Variants in ZNF536 observed in about 807,000 individuals in gnomAD.
The protein encoded by ZNF536 is zinc finger protein 536.
In ZNF536, 13 loss-of-function variants were observed where a neutral mutation model predicts 84.5. The ratio of observed to expected loss-of-function variants is 0.15; its 90% confidence interval spans 0.10 to 0.24. The LOEUF is 0.24. Ranked by LOEUF, ZNF536 falls within the 10% of genes least tolerant of loss-of-function variation. ZNF536 has a pLI of 1.00. For synonymous variants in ZNF536, 811 were observed against 742.5 expected, an observed-to-expected ratio of 1.09 and a Z score of -1.50; for missense variants, 1,536 against 1,747.5, an observed-to-expected ratio of 0.88 and a Z score of 2.16.
At chr19:30,690,327 T>C (rs2051357409) in intron 1 of ZNF536, among the ~76,000 whole-genome samples, 1 of 152,118 alleles carries the variant, frequency 6.6e-6, no homozygotes, top group Admixed American at 6.5e-5. Context: ...AAATGGGGCC[T>C]TCTGAGGATG....
At chr19:30,484,685 CTT>C (rs869242666) in intron 2 of ZNF536, among the ~76,000 whole-genome samples, 11 of 120,138 alleles carry the variant, frequency 9.2e-5, no homozygotes, top group Non-Finnish European at 9.9e-5. Context: ...TCTTCTTCTT[CTT>C]TTTTTTTTTT....
chr19:30,707,891 T>C (rs1038378102), intron 1 of ZNF536, among the ~76,000 whole-genome samples: 1 of 151,762 alleles, frequency 6.6e-6, no homozygotes, highest in African/African-American at 2.4e-5. Flanking sequence ...ATGCCTGTAA[T>C]TCCAGCTACT....
At chr19:30,521,124 C>A (rs922642343) in intron 2 of ZNF536, among the ~76,000 whole-genome samples, 15 of 152,250 alleles carry the variant, frequency 9.9e-5, no homozygotes, top group Admixed American at 4.6e-4. Flanking sequence ...TTGCTCAGGA[C>A]CACAGAGCCA....
At chr19:30,382,448 T>A (rs992673218) in intron 1 of ZNF536, among the ~76,000 whole-genome samples, 2 of 152,202 alleles carry the variant, frequency 1.3e-5, no homozygotes, top group African/African-American at 2.4e-5. Context: ...AAAAATTCAA[T>A]AATGGTATTT....
chr19:30,555,320 A>G (rs1045807440), intron 4 of ZNF536: 4 of 152,224 alleles, frequency 2.6e-5, no homozygotes, highest in Non-Finnish European at 5.9e-5. Context: ...AACTGTTGCA[A>G]GGAAATGATG....
chr19:30,259,307 C>T (rs973173620), intron 1 of ZNF536, among the ~76,000 whole-genome samples: 3 of 152,170 alleles, frequency 2.0e-5, no homozygotes, highest in Admixed American at 6.5e-5. Context: ...TTTCACACTA[C>T]CAAAGGGATA....
intron 1 of ZNF536, among the ~76,000 whole-genome samples, chr19:30,419,804 C>G (rs1021229396): frequency 7.2e-5 from 11 of 152,188 alleles, no homozygotes; most frequent in African/African-American, 2.7e-4. Context: ...CCATGGCTCT[C>G]CCCATCCAGG....
chr19:30,255,592 T>C (rs2024871912), intron 1 of ZNF536, among the ~76,000 whole-genome samples: 1 of 152,212 alleles, frequency 6.6e-6, no homozygotes, highest in Non-Finnish European at 1.5e-5. Flanking sequence ...AAATCTGATC[T>C]TCTGTTCAAA....
At chr19:30,508,608 CT>C in intron 2 of ZNF536, among the ~76,000 whole-genome samples, 1 of 151,978 alleles carries the variant, frequency 6.6e-6, no homozygotes, top group Non-Finnish European at 1.5e-5. Flanking sequence ...GCAGGGAGCC[CT>C]GGTTTAATTT....
chr19:30,444,222 C>T lies in ZNF536; in HGVS notation c.660C>T (p.Pro220=), dbSNP rs1484686551. 3.9e-6 allele frequency: 6 copies of T among 1,544,860 alleles called. No homozygotes were observed. In the East Asian group the frequency reaches 1.2e-4, roughly 31 times the overall value. Residue 220 remains proline (P), a synonymous_variant, in exon 2 of 5, where the codon CCC becomes CCT. Transcript: ENST00000355537. ...AGCTGAAAGGCAGCCTGCTGCAGCC[C>T]CGGCCGGACCTGAAGCCCCCGCCGC... is the stretch of plus-strand genomic sequence containing the variant. The part of the protein sequence containing the change: ...DKQLKGSLLQ[P]RPDLKPPPHA...
intron 1 of ZNF536, among the ~76,000 whole-genome samples, chr19:30,568,874 A>G (rs1599839118): frequency 6.6e-6 from 1 of 152,226 alleles, no homozygotes; most frequent in Non-Finnish European, 1.5e-5. Context: ...TCACAGGACC[A>G]TGGTCTTCAC....
chr19:30,380,453 G>A (rs915390730), intron 1 of ZNF536, among the ~76,000 whole-genome samples: 6 of 152,124 alleles, frequency 3.9e-5, no homozygotes, highest in East Asian at 1.9e-4. Context: ...CCCACGGCTC[G>A]GCCCTGAGAC....
chr19:30,589,058 C>T (rs1049431375), intron 1 of ZNF536, among the ~76,000 whole-genome samples: 1 of 152,036 alleles, frequency 6.6e-6, no homozygotes, highest in Non-Finnish European at 1.5e-5. Flanking sequence ...CCCAAGAGAC[C>T]TGAGAAGAGG....
rs3084731 is a variant in ZNF536, at chr19:30,458,447, G to GTT, written c.2170+12737_2170+12738dup. 4.9e-3 allele frequency among the ~76,000 whole-genome samples: 405 copies of GTT among 83,358 alleles called. 13 individuals carry two copies. The highest frequency in any genetic ancestry group is 5.6e-3 in the African/African-American group (100 of 17,914). The allele number at this position is 83,358 out of a possible 152,430, so 54.7% of individuals were successfully genotyped here. A position where few individuals can be genotyped will look rare whatever the true frequency, so the allele number is the denominator to read the frequency against. ...CCAAGTATTTCCTCAATTTCCTGCT[G>GTT]TTTTTTTTTTTTTTTTTTTTTTTGA... On this transcript the variant is annotated intron_variant, in intron 2 of 4. Transcript: ENST00000355537.
chr19:30,424,948 C>T (rs577022707), intron 1 of ZNF536, among the ~76,000 whole-genome samples: 57 of 152,254 alleles, frequency 3.7e-4, no homozygotes, highest in Admixed American at 1.6e-3. Flanking sequence ...CCCAAGCCAA[C>T]GTATGGCTCA....
At chr19:30,653,104 G>A (rs1014536367) in intron 1 of ZNF536, among the ~76,000 whole-genome samples, 5 of 152,224 alleles carry the variant, frequency 3.3e-5, no homozygotes, top group Non-Finnish European at 5.9e-5. Flanking sequence ...CTGGAGAGGA[G>A]AGAGGGTTTC....
intron 3 of ZNF536, among the ~76,000 whole-genome samples, chr19:30,544,278 G>A (rs1256557440): frequency 6.6e-6 from 1 of 152,152 alleles, no homozygotes; most frequent in East Asian, 1.9e-4. Context: ...CAGTGCAGAA[G>A]GCAGAGGAAG....
Position 30,478,420 on chromosome 19 carries a change from G to A in ZNF536, c.2170+32688G>A, listed in dbSNP as rs116805692. 7.4e-3 allele frequency among the ~76,000 whole-genome samples: 1,131 copies of A among 152,114 alleles called. 16 individuals are homozygous for A. The highest frequency in any genetic ancestry group is 0.026 in the African/African-American group (1,062 of 41,488). ...TGTCTCTTGAGGGGGCCCATTCAGAGCCTGAGGAGCTCTGATCTTAGAAAG... is the reference window on the plus strand; with the variant it reads ...TGTCTCTTGAGGGGGCCCATTCAGAACCTGAGGAGCTCTGATCTTAGAAAG... On this transcript the variant is annotated intron_variant, in intron 2 of 4. Coordinates refer to ENST00000355537, the MANE Select transcript of ZNF536 (RefSeq NM_014717.3).
chr19:30,678,068 T>A (rs2090605229), intron 1 of ZNF536, among the ~76,000 whole-genome samples: 1 of 152,146 alleles, frequency 6.6e-6, no homozygotes, highest in Admixed American at 6.5e-5. Flanking sequence ...AAAAGCAAAC[T>A]ATTTCAAGAG....
Sources: gnomAD v4.1 joint callset for allele counts (sites outside exome capture counted in the v4.1 genomes callset) on GRCh38, gnomAD v4.1.1 for gene constraint, MANE v1.5 for transcripts, NCBI Gene and HGNC (gene_info 2026-07-23, HGNC 2026-07-21) for gene names.